HDGFL3: variants seen among roughly 807,000 people sequenced by gnomAD.
The protein encoded by HDGFL3 is HDGF like 3.
In HDGFL3, 6 loss-of-function variants were observed where a neutral mutation model predicts 27.6. The observed-to-expected ratio is 0.22, with a 90% CI of 0.12 to 0.43. HDGFL3 has a LOEUF of 0.43. HDGFL3 is among the 20% of genes least tolerant of loss of function. The pLI, the probability that HDGFL3 is intolerant of heterozygous loss-of-function variation, is 1.00. For synonymous variants in HDGFL3, 88 were observed against 88.9 expected (o/e 0.99, Z 0.05); for missense variants, 207 against 250.1 (o/e 0.83, Z 1.16).
chr15:83,180,137 C>A (rs2037362102), intron 1 of HDGFL3, among the ~76,000 whole-genome samples: 1 of 151,750 alleles, frequency 6.6e-6, no homozygotes. Flanking sequence ...TAGGGAAGAC[C>A]AAAGTGTCCT....
intron 1 of HDGFL3, among the ~76,000 whole-genome samples, chr15:83,180,437 TA>T (rs2037366505): frequency 6.6e-6 from 1 of 151,944 alleles, no homozygotes; most frequent in East Asian, 1.9e-4. Context: ...TGAGGTGTGG[TA>T]AATTAGAAAA....
intron 3 of HDGFL3, among the ~76,000 whole-genome samples, chr15:83,116,675 G>T (rs554612337): frequency 6.6e-6 from 1 of 152,350 alleles, no homozygotes; most frequent in Admixed American, 6.5e-5. Context: ...ATGAGCTGGG[G>T]CACCAGTCAG....
chr15:83,152,569 G>A (rs929476541), intron 4 of HDGFL3, among the ~76,000 whole-genome samples: 1 of 150,944 alleles, frequency 6.6e-6, no homozygotes, highest in African/African-American at 2.4e-5. Flanking sequence ...GTGTGGTGGC[G>A]AGAGGCCTGT....
At chr15:83,194,694 A>T (rs2037549091) in intron 1 of HDGFL3, among the ~76,000 whole-genome samples, 1 of 152,128 alleles carries the variant, frequency 6.6e-6, no homozygotes, top group Admixed American at 6.5e-5. Context: ...GTTAGTGTGA[A>T]TTCCTTATCT....
exon 4 of HDGFL3, chr15:83,113,713 C>T (rs2034399250): frequency 6.5e-6 from 1 of 152,688 alleles, no homozygotes; most frequent in South Asian, 2.1e-4. Context: ...TTCTCTGACT[C>T]CTTGTTCTTG....
Position 83,138,468 on chromosome 15 carries a change from TAA to T in HDGFL3, c.*800_*801del, listed in dbSNP as rs2036699593. 6.6e-6 allele frequency: 1 copy of T among 152,560 alleles called. No individual in the cohort carries two copies. Among genetic ancestry groups the T allele is most frequent in the Admixed American group, 6.5e-5 (1 of 15,286 alleles). The allele number at this position is 152,560 out of a possible 1,614,324, so 9.5% of individuals were successfully genotyped here. A position where few individuals can be genotyped will look rare whatever the true frequency, so the allele number is the denominator to read the frequency against. On this transcript the variant is annotated 3_prime_UTR_variant, in exon 6 of 6. Coordinates refer to ENST00000299633, the MANE Select transcript of HDGFL3 (RefSeq NM_016073.4). ...AGTTCCAAAAGAAAACAGTTTATTT[TAA>T]AAGTCTACATTTAAAAGTCAATGCT...
chr15:83,114,257 C>T (rs2034453051), exon 4 of HDGFL3: 1 of 152,608 alleles, frequency 6.6e-6, no homozygotes, highest in African/African-American at 2.4e-5. Context: ...TACCCTCAGC[C>T]CTCTGTCCTG....
At chr15:83,126,930 C>T (rs543448055), downstream of HDGFL3, 73 of 1,068,128 alleles carry the variant, frequency 6.8e-5, 2 homozygotes, top group South Asian at 9.5e-4. Flanking sequence ...CGGTGGCTCA[C>T]GCCTGTAATC....
At chr15:83,117,110 C>T (rs767739994) in intron 3 of HDGFL3, among the ~76,000 whole-genome samples, 13 of 152,156 alleles carry the variant, frequency 8.5e-5, no homozygotes, top group Non-Finnish European at 1.8e-4. Flanking sequence ...GAGTTGGTGA[C>T]ACTGCTGTAG....
chr15:83,145,861 CTT>C (rs1182072065), intron 5 of HDGFL3, among the ~76,000 whole-genome samples: 1 of 66,862 alleles, frequency 1.5e-5, no homozygotes, highest in Admixed American at 1.5e-4. Context: ...TTTGTTCTTT[CTT>C]TTTTTTTTTT....
chr15:83,127,338 T>G, downstream of HDGFL3: 1 of 1,570,976 alleles, frequency 6.4e-7, no homozygotes, highest in South Asian at 1.2e-5. Flanking sequence ...CTGATGATGT[T>G]ATTTCTCTGT....
At chr15:83,126,265 T>G (rs1354031156), downstream of HDGFL3, among the ~76,000 whole-genome samples, 1 of 152,132 alleles carries the variant, frequency 6.6e-6, no homozygotes, top group Non-Finnish European at 1.5e-5. Flanking sequence ...CCAAAAAGAC[T>G]TTCCAGCAAG....
At position 83,136,720 on chromosome 15, in the gene HDGFL3, A is replaced by G. The variant is rs754705327; in HGVS notation, c.*2550T>C. 1.4e-6 allele frequency: 2 copies of G among 1,477,888 alleles called. No homozygotes were observed. Among genetic ancestry groups the G allele is most frequent in the African/African-American group, 2.8e-5 (2 of 70,824 alleles). The allele number at this position is 1,477,888 out of a possible 1,614,324, so 91.5% of individuals were successfully genotyped here. ...TTTCTAAATTACTAACTTTTGTTAT[A>G]CTGGTACTGATATTTTGTCCCATTT... is the stretch of plus-strand genomic sequence containing the variant. On this transcript the variant is annotated 3_prime_UTR_variant, in exon 6 of 6. Coordinates refer to ENST00000299633, the MANE Select transcript of HDGFL3 (RefSeq NM_016073.4).
At chr15:83,186,405 T>C (rs1436785905) in intron 1 of HDGFL3, among the ~76,000 whole-genome samples, 7 of 152,200 alleles carry the variant, frequency 4.6e-5, no homozygotes, top group East Asian at 1.9e-4. Flanking sequence ...TATTAACCTA[T>C]TGTAATTTCC....
At chr15:83,126,726 T>C (rs1451361186), downstream of HDGFL3, 7 of 1,571,248 alleles carry the variant, frequency 4.5e-6, no homozygotes, top group East Asian at 2.2e-5. Flanking sequence ...GTGATTGTAT[T>C]TTTATAATGA....
intron 1 of HDGFL3, among the ~76,000 whole-genome samples, chr15:83,173,728 A>C (rs1112404): frequency 0.25 from 38,253 of 151,988 alleles, 5,172 homozygotes; most frequent in African/African-American, 0.35. Context: ...CTAGCCTCAA[A>C]TTTTCCTTTG....
At chr15:83,183,423 C>T (rs1293905956) in intron 1 of HDGFL3, among the ~76,000 whole-genome samples, 1 of 152,088 alleles carries the variant, frequency 6.6e-6, no homozygotes, top group Non-Finnish European at 1.5e-5. Context: ...CTTTAACAGG[C>T]CCTCAAAAAA....
intron 1 of HDGFL3, among the ~76,000 whole-genome samples, chr15:83,169,412 C>T (rs1306895989): frequency 2.5e-4 from 8 of 31,694 alleles, no homozygotes; most frequent in African/African-American, 1.0e-3. Flanking sequence ...GAGACTCCGT[C>T]TCAAAAAAAA....
At chr15:83,146,718 T>C (rs1392741937) in intron 5 of HDGFL3, among the ~76,000 whole-genome samples, 5 of 152,196 alleles carry the variant, frequency 3.3e-5, no homozygotes, top group Admixed American at 1.3e-4. Context: ...CACACAACCA[T>C]TGTGACCCCT....
Sources: gnomAD v4.1 joint callset for allele counts (sites outside exome capture counted in the v4.1 genomes callset) on GRCh38, gnomAD v4.1.1 for gene constraint, MANE v1.5 for transcripts, NCBI Gene and HGNC (gene_info 2026-07-23, HGNC 2026-07-21) for gene names.